Variants in INVS observed in about 807,000 individuals in gnomAD.
INVS encodes inversin, also known as inversion of embryo turning homolog.
Under a neutral mutation model 108.8 loss-of-function variants are expected in INVS, and 86 were observed. The observed-to-expected ratio is 0.79, with a 90% CI of 0.66 to 0.95. The LOEUF (loss-of-function observed/expected upper bound fraction) is 0.95, where lower values mean the gene tolerates loss of function less well. INVS is among the 40% of genes least tolerant of loss of function. The pLI, the probability that INVS is intolerant of heterozygous loss-of-function variation, is 0.00. For missense variants in INVS, 1,169 were observed against 1,297.4 expected (o/e 0.90, Z 1.52); for synonymous variants, 455 against 473.5 (o/e 0.96, Z 0.51).
chr9:100,175,318 C>T (rs1829676142), intron 3 of INVS: 1 of 723,722 alleles, frequency 1.4e-6, no homozygotes, highest in African/African-American at 1.7e-5. Context: ...AGATGCCTCA[C>T]ACAGAGTCTG....
intron 3 of INVS, among the ~76,000 whole-genome samples, chr9:100,168,681 G>C (rs1390788966): frequency 6.6e-6 from 1 of 152,144 alleles, no homozygotes; most frequent in Non-Finnish European, 1.5e-5. Context: ...ATGGTGAAGG[G>C]AATAAGGAAC....
chr9:100,120,575 A>G (rs1373139585), intron 2 of INVS: 1 of 153,730 alleles, frequency 6.5e-6, no homozygotes, highest in East Asian at 1.9e-4. Flanking sequence ...GTTTAAGCTG[A>G]GAAAAATCTG....
intron 10 of INVS, among the ~76,000 whole-genome samples, chr9:100,263,161 A>C (rs1331076392): frequency 1.3e-5 from 2 of 152,058 alleles, no homozygotes; most frequent in Non-Finnish European, 2.9e-5. Flanking sequence ...TGACACATAG[A>C]TTATTTAGAA....
At chr9:100,232,941 T>G (rs908409677) in intron 5 of INVS, among the ~76,000 whole-genome samples, 1 of 152,230 alleles carries the variant, frequency 6.6e-6, no homozygotes, top group African/African-American at 2.4e-5. Context: ...TATATTACTT[T>G]GGGCAGTATG....
chr9:100,103,696 G>A (rs957805616), intron 1 of INVS, among the ~76,000 whole-genome samples: 1 of 145,086 alleles, frequency 6.9e-6, no homozygotes, highest in Non-Finnish European at 1.5e-5. Context: ...GGAGGGGAGG[G>A]GAGGCGAGGG....
intron 3 of INVS, among the ~76,000 whole-genome samples, chr9:100,207,105 A>AT (rs1338800635): frequency 6.6e-6 from 1 of 152,050 alleles, no homozygotes; most frequent in East Asian, 1.9e-4. Context: ...TGACGTCACT[A>AT]TTTTTTCCAT....
intron 3 of INVS, among the ~76,000 whole-genome samples, chr9:100,188,334 T>C (rs919828302): frequency 2.0e-5 from 3 of 152,198 alleles, no homozygotes; most frequent in Non-Finnish European, 2.9e-5. Context: ...GGCTTCCTTC[T>C]ATACTTAGAC....
intron 14 of INVS, among the ~76,000 whole-genome samples, chr9:100,293,537 G>C (rs1324843861): frequency 6.6e-6 from 1 of 152,176 alleles, no homozygotes; most frequent in Non-Finnish European, 1.5e-5. Flanking sequence ...CCAGGAACTA[G>C]TCATACTCCA....
At chr9:100,194,917 G>C (rs1830327288) in intron 3 of INVS, among the ~76,000 whole-genome samples, 1 of 152,138 alleles carries the variant, frequency 6.6e-6, no homozygotes, top group African/African-American at 2.4e-5. Flanking sequence ...CTGATGAGCA[G>C]AAAGTTGCCC....
intron 3 of INVS, among the ~76,000 whole-genome samples, chr9:100,190,801 T>G (rs565905846): frequency 1.3e-5 from 2 of 152,228 alleles, no homozygotes; most frequent in South Asian, 4.1e-4. Flanking sequence ...TAGAATTCTT[T>G]CCTTCATGTT....
At chr9:100,187,711 C>T (rs774384567) in intron 3 of INVS, among the ~76,000 whole-genome samples, 14 of 151,696 alleles carry the variant, frequency 9.2e-5, no homozygotes, top group South Asian at 2.1e-4. Context: ...ATTTTTAGTA[C>T]GGATGAGGTT....
chr9:100,142,222 A>G (rs919356713), intron 3 of INVS, among the ~76,000 whole-genome samples: 1 of 152,200 alleles, frequency 6.6e-6, no homozygotes, highest in African/African-American at 2.4e-5. Flanking sequence ...AACTTCTTGC[A>G]TGGTGGTGCA....
In INVS at chr9:100,224,063, G is replaced by A. The variant is rs561427174; in HGVS notation, c.274-1999G>A. Among the ~76,000 whole-genome samples, 10 of 152,136 alleles carry A rather than the reference G, an allele frequency of 6.6e-5. No individual in the cohort carries two copies. The South Asian group carries it at 2.1e-3, about 32-fold the overall frequency. ...AAAAAAACAAAACAAAAAAAAACAC[G>A]CAAAAAAATCTCATAATGTTTTAAG... is the stretch of plus-strand genomic sequence containing the variant. On this transcript the variant is annotated intron_variant, in intron 3 of 16. Transcript: ENST00000262457.
chr9:100,173,306 G>A (rs910223884), intron 3 of INVS, among the ~76,000 whole-genome samples: 1 of 152,280 alleles, frequency 6.6e-6, no homozygotes, highest in Admixed American at 6.5e-5. Context: ...GATAGCACTG[G>A]GTGAGTTTCC....
In INVS at chr9:100,171,563, T is replaced by G. The variant is rs999687388; in HGVS notation, c.273+45014T>G. On this transcript the variant is annotated intron_variant, in intron 3 of 16. Coordinates refer to ENST00000262457, the MANE Select transcript of INVS (RefSeq NM_014425.5). Reference sequence around the variant, plus strand: ...GAGAGATGATATTGGATAAGTAAAGTGGGATCAGACCATGAAGTGTCTGTC... The same window carrying G: ...GAGAGATGATATTGGATAAGTAAAGGGGGATCAGACCATGAAGTGTCTGTC... Among the ~76,000 whole-genome samples the G allele has an allele frequency of 7.9e-5, 12 of 152,300 alleles. 1 individual carries two copies. The highest frequency in any genetic ancestry group is 2.6e-4 in the African/African-American group (11 of 41,562).
intron 3 of INVS, among the ~76,000 whole-genome samples, chr9:100,157,488 G>T (rs1242529660): frequency 6.6e-6 from 1 of 151,768 alleles, no homozygotes; most frequent in South Asian, 2.1e-4. Flanking sequence ...GGATGGTCTC[G>T]ATCTCCTGGC....
Position 100,281,061 on chromosome 9 carries a change from T to G in INVS, c.1785-3259T>G, listed in dbSNP as rs184129295. 2.9e-3 allele frequency among the ~76,000 whole-genome samples: 443 copies of G among 152,352 alleles called. 1 individual carries two copies. The highest frequency in any genetic ancestry group is 0.01 in the African/African-American group (421 of 41,586). On this transcript the variant is annotated intron_variant, in intron 12 of 16. Transcript: ENST00000262457. ...ATAAAAAAGAAAGCTCATTTTTAAA[T>G]GCTGCTAATGGTTAGTTTGAAGTGG...
intron 7 of INVS, among the ~76,000 whole-genome samples, chr9:100,242,990 A>G (rs1831927915): frequency 6.6e-6 from 1 of 152,182 alleles, no homozygotes; most frequent in Non-Finnish European, 1.5e-5. Flanking sequence ...TGTAGCAATT[A>G]TCTTTTAACA....
chr9:100,149,259 G>A (rs1407164594), intron 3 of INVS, among the ~76,000 whole-genome samples: 1 of 152,170 alleles, frequency 6.6e-6, no homozygotes, highest in Non-Finnish European at 1.5e-5. Context: ...ATGAGTTTTT[G>A]ACTGTTGGTA....
Sources: allele counts gnomAD v4.1 joint callset (sites outside exome capture counted in the v4.1 genomes callset), GRCh38; gene constraint gnomAD v4.1.1; transcripts MANE v1.5; gene names NCBI Gene and HGNC (gene_info 2026-07-23, HGNC 2026-07-21).